GPM6B: variants seen among roughly 807,000 people sequenced by gnomAD.
The protein encoded by GPM6B is glycoprotein M6B, also known as neuronal membrane glycoprotein M6-b.
GPM6B carries 4 observed loss-of-function variants against 27.2 expected under a neutral mutation model. That is an observed-to-expected ratio of 0.15 (90% CI 0.07 to 0.34). The LOEUF is 0.34. Ranked by LOEUF, GPM6B falls within the 10% of genes least tolerant of loss-of-function variation. The probability of loss-of-function intolerance (pLI) is 1.00; values close to 1 mark genes in which losing one functional copy is unlikely to be tolerated. For missense variants in GPM6B, 183 were observed against 261.9 expected (o/e 0.70, Z 2.08); for synonymous variants, 124 against 103.1 (o/e 1.20, Z -1.23).
intron 2 of GPM6B, among the ~76,000 whole-genome samples, chrX:13,805,224 G>T (rs2049000857): frequency 8.9e-6 from 1 of 112,076 alleles, no homozygotes; most frequent in Non-Finnish European, 1.9e-5. Flanking sequence ...GCTTGCAGTA[G>T]TATCACCAGC....
At chrX:13,891,609 G>A (rs1256493712) in intron 1 of GPM6B, among the ~76,000 whole-genome samples, 2 of 112,480 alleles carry the variant, frequency 1.8e-5, no homozygotes, top group Admixed American at 1.9e-4. Flanking sequence ...AAGGGGAACC[G>A]ACGCACTGCT....
At chrX:13,847,490 T>C (rs1486681934) in intron 1 of GPM6B, among the ~76,000 whole-genome samples, 1 of 112,043 alleles carries the variant, frequency 8.9e-6, no homozygotes, top group East Asian at 2.8e-4. Context: ...ATGATCCTAT[T>C]GAGCCTCCTC....
intron 1 of GPM6B, among the ~76,000 whole-genome samples, chrX:13,923,260 G>A (rs752341962): frequency 1.7e-4 from 19 of 111,395 alleles, no homozygotes; most frequent in Non-Finnish European, 2.4e-4. Context: ...GTGACATGTA[G>A]AAAATGTCTG....
intron 1 of GPM6B, among the ~76,000 whole-genome samples, chrX:13,871,473 G>T (rs1262768261): frequency 8.9e-6 from 1 of 112,116 alleles, no homozygotes; most frequent in Non-Finnish European, 1.9e-5. Flanking sequence ...GCTCATGTGA[G>T]CCAGGGATGA....
chrX:13,881,042 C>T (rs1194335765), intron 1 of GPM6B, among the ~76,000 whole-genome samples: 1 of 111,805 alleles, frequency 8.9e-6, no homozygotes, highest in Non-Finnish European at 1.9e-5. Context: ...ACACTCTGCT[C>T]ACACTCTGGA....
chrX:13,910,363 T>C (rs2075559227), intron 1 of GPM6B, among the ~76,000 whole-genome samples: 2 of 112,525 alleles, frequency 1.8e-5, no homozygotes, highest in Non-Finnish European at 1.9e-5. Context: ...GTGACTCCAC[T>C]GTACAGTCAG....
Position 13,776,077 on chromosome X carries a change from C to T in GPM6B, c.837+161G>A, listed in dbSNP as rs889628356. The T allele has an allele frequency of 3.3e-5, 16 of 481,199 alleles. No individual in the cohort carries two copies. In the Admixed American group the frequency reaches 4.7e-4, roughly 14 times the overall value. 39.7% of individuals were successfully genotyped at this position (481,199 alleles called of 1,213,427 possible). On this transcript the variant is annotated intron_variant, in intron 7 of 7. Transcript: ENST00000316715. The stretch of plus-strand genomic sequence containing the variant: ...TGCCAAGGCAACCAACTAATACTTT[C>T]TGTAAACTACATGTGGTAAGTTAAC...
chrX:13,806,007 G>A (rs1003860502), intron 2 of GPM6B, among the ~76,000 whole-genome samples: 4 of 110,585 alleles, frequency 3.6e-5, no homozygotes, highest in African/African-American at 1.3e-4. Context: ...TTTTTCAAAA[G>A]CAGCTTTACT....
chrX:13,923,907 T>C (rs1921044370), intron 1 of GPM6B, among the ~76,000 whole-genome samples: 2 of 112,309 alleles, frequency 1.8e-5, no homozygotes, highest in African/African-American at 3.2e-5. Context: ...TATGATATGG[T>C]GAAGGTTGGT....
chrX:13,927,152 G>A (rs1172001533), intron 1 of GPM6B, among the ~76,000 whole-genome samples: 2 of 75,311 alleles, frequency 2.7e-5, no homozygotes, highest in Non-Finnish European at 5.1e-5. Context: ...AACCTCTCTA[G>A]AGAAATTCAA....
At chrX:13,891,856 G>A (rs2050191802) in intron 1 of GPM6B, among the ~76,000 whole-genome samples, 1 of 111,850 alleles carries the variant, frequency 8.9e-6, no homozygotes, top group African/African-American at 3.2e-5. Context: ...GCTGTACTCA[G>A]GGCAGGGAAA....
intron 1 of GPM6B, among the ~76,000 whole-genome samples, chrX:13,931,467 T>G (rs191537484): frequency 0.059 from 6,232 of 106,468 alleles, 233 homozygotes; most frequent in African/African-American, 0.13. Context: ...CAGCCTGGGC[T>G]ACAGAGTGAG....
chrX:13,889,676 A>G (rs2050170903), intron 1 of GPM6B: 1 of 111,339 alleles, frequency 9.0e-6, no homozygotes, highest in Admixed American at 9.6e-5. Flanking sequence ...TAAACTATAC[A>G]TAACATGAAC....
At chrX:13,878,270 T>C (rs1002017884) in intron 1 of GPM6B, among the ~76,000 whole-genome samples, 4 of 110,242 alleles carry the variant, frequency 3.6e-5, no homozygotes, top group East Asian at 5.6e-4. Context: ...TTTTTTTTTT[T>C]CCTCTCCCCT....
chrX:13,842,987 C>T (rs755262898), intron 1 of GPM6B, among the ~76,000 whole-genome samples: 9 of 111,239 alleles, frequency 8.1e-5, no homozygotes, highest in Non-Finnish European at 1.3e-4. Flanking sequence ...ATATATTCCC[C>T]CCTTTCCACT....
intron 2 of GPM6B, among the ~76,000 whole-genome samples, chrX:13,799,474 C>T (rs2048881394): frequency 9.3e-6 from 1 of 108,067 alleles, no homozygotes. Flanking sequence ...AACGAGTAGC[C>T]AATCTGAACT....
chrX:13,893,735 C>A (rs2050208189), intron 1 of GPM6B, among the ~76,000 whole-genome samples: 2 of 112,437 alleles, frequency 1.8e-5, no homozygotes, highest in Admixed American at 9.4e-5. Context: ...TAGCTCGTAT[C>A]TTTACTTTCA....
chrX:13,806,336 G>A (rs2049020847), intron 2 of GPM6B, among the ~76,000 whole-genome samples: 2 of 112,393 alleles, frequency 1.8e-5, no homozygotes, highest in African/African-American at 6.5e-5. Flanking sequence ...GTTGTAGCAT[G>A]CACAAATATT....
upstream of GPM6B, chrX:13,938,518 G>C: frequency 3.2e-6 from 3 of 930,445 alleles, no homozygotes; most frequent in Non-Finnish European, 4.0e-6. Flanking sequence ...CATGGCTGGA[G>C]ACTGGCGGGA....
Sources: gnomAD v4.1 joint callset for allele counts (sites outside exome capture counted in the v4.1 genomes callset) on GRCh38, gnomAD v4.1.1 for gene constraint, MANE v1.5 for transcripts, NCBI Gene and HGNC (gene_info 2026-07-23, HGNC 2026-07-21) for gene names.